LASP1: variants seen among roughly 807,000 people sequenced by gnomAD.
LASP1 encodes the protein LIM and SH3 protein 1.
A neutral mutation model predicts 38.6 loss-of-function variants in LASP1; 10 were observed. The observed-to-expected ratio is 0.26, with a 90% CI of 0.16 to 0.44. The LOEUF (loss-of-function observed/expected upper bound fraction) is 0.44. LASP1 is among the 20% of genes least tolerant of loss of function. LASP1 has a pLI of 1.00. For missense variants in LASP1, 243 were observed against 375.7 expected (o/e 0.65, Z 2.92); for synonymous variants, 132 against 140.8 (o/e 0.94, Z 0.44).
rs61739902 is a variant in LASP1 at position 38,914,401 on chromosome 17, A to T, written c.434A>T (p.Asp145Val). Residue 145 changes from aspartate (D) to valine (V), a missense_variant, in exon 5 of 7, where the codon GAT (aspartate) becomes GTT (valine). Physicochemically the swap from Asp to Val is radical, Grantham distance 152. Transcript: ENST00000318008. ...GGEGMEPERR[D>V]SQDGSSYRRP... ...GAGGGCATGGAGCCAGAGCGTCGGG[A>T]TTCACAGGACGGCAGCAGCTACCGG... is the stretch of plus-strand genomic sequence containing the variant. 1.8e-5 allele frequency: 29 copies of T among 1,611,918 alleles called. No individual in the cohort carries two copies. The African/African-American group carries it at 3.7e-4, about 21-fold the overall frequency.
chr17:38,911,460 T>G (rs1181420100), intron 4 of LASP1, among the ~76,000 whole-genome samples: 1 of 152,120 alleles, frequency 6.6e-6, no homozygotes, highest in Non-Finnish European at 1.5e-5. Flanking sequence ...CAGAGACTTG[T>G]GGGGAGGATT....
intron 4 of LASP1, among the ~76,000 whole-genome samples, chr17:38,912,518 C>G (rs1159222032): frequency 6.6e-6 from 1 of 152,140 alleles, no homozygotes; most frequent in Non-Finnish European, 1.5e-5. Flanking sequence ...GCCGCAAGCA[C>G]AAGGAGTCAC....
intron 4 of LASP1, among the ~76,000 whole-genome samples, chr17:38,910,007 C>G (rs956439451): frequency 6.6e-6 from 1 of 152,210 alleles, no homozygotes. Flanking sequence ...CTCGACCTCC[C>G]AAAGTGCTGG....
Position 38,915,046 on chromosome 17 carries a change from A to T in LASP1, c.512A>T (p.Tyr171Phe). Residue 171 changes from tyrosine to phenylalanine, a missense_variant, in exon 6 of 7, where the codon TAC becomes TTC. By Grantham distance (22) the Tyr-to-Phe change is conservative. Transcript: ENST00000318008. ...PHHIPTSAPV[Y>F]QQPQQQPVAQ... ...CCTGTCTCCTCCCATCTTCCAGTTT[A>T]CCAGCAGCCCCAGCAGCAGCCGGTG... 1 of 1,613,806 alleles carries T rather than the reference A, an allele frequency of 6.2e-7. No homozygotes were observed. Among genetic ancestry groups the T allele is most frequent in the Non-Finnish European group, 8.5e-7 (1 of 1,179,934 alleles).
At chr17:38,891,242 C>A (rs111426582) in intron 3 of LASP1, among the ~76,000 whole-genome samples, 1 of 152,116 alleles carries the variant, frequency 6.6e-6, no homozygotes, top group East Asian at 1.9e-4. Context: ...GGATTAGGCG[C>A]GAGAATACAT....
rs952037545 is a variant in LASP1 at position 38,921,365 on chromosome 17, C to T, written c.*2587C>T. 4 of 232,640 alleles carry T rather than the reference C, an allele frequency of 1.7e-5. No homozygotes were observed. Among genetic ancestry groups the T allele is most frequent in the Non-Finnish European group, 2.6e-5 (3 of 117,450 alleles). The allele number at this position is 232,640 out of a possible 1,614,324, so 14.4% of individuals were successfully genotyped here. ...AAGTGCGTTCTCCCAGCACTGCCTC[C>T]TGTTTTCTCCCTCTCATGTCCCTCC... On this transcript the variant is annotated 3_prime_UTR_variant, in exon 7 of 7. Transcript: ENST00000318008.
chr17:38,896,719 T>C (rs558011649), intron 3 of LASP1, among the ~76,000 whole-genome samples: 2 of 152,320 alleles, frequency 1.3e-5, no homozygotes, highest in South Asian at 4.1e-4. Context: ...ACTGGCGTTA[T>C]GGTCCCCATT....
Position 38,918,740 on chromosome 17 carries a change from A to G in LASP1, c.748A>G (p.Thr250Ala). 1.9e-6 allele frequency: 3 copies of G among 1,614,114 alleles called. No individual in the cohort carries two copies. Among genetic ancestry groups the G allele is most frequent in the Non-Finnish European group, 2.5e-6 (3 of 1,180,020 alleles). Residue 250 changes from threonine (T) to alanine (A), a missense_variant, in exon 7 of 7, where the codon ACG becomes GCG. Around this residue, in one of 4 missense-constraint regions of LASP1, gnomAD observed 165 missense variants for 210.3 expected, o/e 0.78. Coordinates refer to ENST00000318008, the MANE Select transcript of LASP1 (RefSeq NM_006148.4). This position sits in a 1 kb window ranked among gnomAD's most constrained non-coding sequence, Gnocchi z 4.4. ...MYGTVERTGD[T>A]GMLPANYVEA... Reference sequence around the variant, plus strand: ...CGGGACGGTGGAGCGCACCGGCGACACGGGGATGCTGCCGGCCAACTACGT... The same window carrying G: ...CGGGACGGTGGAGCGCACCGGCGACGCGGGGATGCTGCCGGCCAACTACGT...
chr17:38,880,765 G>A (rs1296642297), intron 2 of LASP1, among the ~76,000 whole-genome samples: 1 of 152,202 alleles, frequency 6.6e-6, no homozygotes, highest in African/African-American at 2.4e-5. Flanking sequence ...CTTGCAAGGA[G>A]TGCTCTCTGG....
rs114909359 is a variant in LASP1, at chr17:38,918,843, C to T, written c.*65C>T. ...CATCGCATCCGTCCTGGGCGTGACC[C>T]GTCCATTCTTCAGTGTCTCTGTTTT... On this transcript the variant is annotated 3_prime_UTR_variant, in exon 7 of 7. Transcript: ENST00000318008. This position sits in a 1 kb window ranked among gnomAD's most constrained non-coding sequence, Gnocchi z 4.4. 414 of 1,547,850 alleles carry T rather than the reference C, an allele frequency of 2.7e-4. 2 individuals carry two copies. The African/African-American group carries it at 4.9e-3, about 18-fold the overall frequency.
At position 38,918,973 on chromosome 17, in the gene LASP1, C is replaced by A; in HGVS notation, c.*195C>A. The A allele has an allele frequency of 1.6e-6, 1 of 641,316 alleles. No homozygotes were observed. Among genetic ancestry groups the A allele is most frequent in the Non-Finnish European group, 2.7e-6 (1 of 374,310 alleles). The allele number at this position is 641,316 out of a possible 1,614,324, so 39.7% of individuals were successfully genotyped here. ...CGGGCTCCCTCCTCTGGCAGGCTTC[C>A]CCCTTGATCGACTTCTTGGTTTTCT... On this transcript the variant is annotated 3_prime_UTR_variant, in exon 7 of 7. Coordinates refer to ENST00000318008, the MANE Select transcript of LASP1 (RefSeq NM_006148.4). This position sits in a 1 kb window ranked among gnomAD's most constrained non-coding sequence, Gnocchi z 4.4.
At chr17:38,890,271 G>A (rs1023197065) in intron 2 of LASP1, 149 bp from the exon 3 acceptor site, 5 of 652,122 alleles carry the variant, frequency 7.7e-6, no homozygotes, top group African/African-American at 1.8e-5. Context: ...CTCGGCCTTG[G>A]TGGTGGACAC....
chr17:38,918,614 C>T lies in LASP1; in HGVS notation c.622C>T (p.Arg208Cys). The change falls in exon 7 of 7, where the codon CGC (arginine) becomes TGC (cysteine). Residue 208 changes from arginine (R) to cysteine (C), a missense_variant. Physicochemically the swap from Arg to Cys is radical, Grantham distance 180 (BLOSUM62 -3). Transcript: ENST00000318008. This position sits in a 1 kb window ranked among gnomAD's most constrained non-coding sequence, Gnocchi z 4.4. ...SAPGGGGKRY[R>C]AVYDYSAADE... ...CACACTTCCCCCACAGAAGCGGTAC[C>T]GCGCGGTGTATGACTACAGCGCCGC... 2 of 1,597,058 alleles carry T rather than the reference C, an allele frequency of 1.3e-6. No individual in the cohort carries two copies. The highest frequency in any genetic ancestry group is 1.7e-6 in the Non-Finnish European group (2 of 1,167,674).
intron 2 of LASP1, among the ~76,000 whole-genome samples, chr17:38,887,646 C>G (rs115502264): frequency 6.6e-6 from 1 of 152,098 alleles, no homozygotes; most frequent in East Asian, 1.9e-4. Flanking sequence ...GGCTGGGGGA[C>G]GGGCACCGCT....
Position 38,920,876 on chromosome 17 carries a change from G to A in LASP1, c.*2098G>A, listed in dbSNP as rs1046734039. 1.7e-5 allele frequency: 4 copies of A among 232,436 alleles called. No individual in the cohort carries two copies. Among genetic ancestry groups the A allele is most frequent in the Non-Finnish European group, 2.6e-5 (3 of 117,382 alleles). 14.4% of individuals were successfully genotyped at this position (232,436 alleles called of 1,614,324 possible). On this transcript the variant is annotated 3_prime_UTR_variant, in exon 7 of 7. Transcript: ENST00000318008. The stretch of plus-strand genomic sequence containing the variant: ...GATCTCAAAGCACAATGTGGATTTG[G>A]GGACCAAAGGTCAGGGACACATCCC...
intron 2 of LASP1, among the ~76,000 whole-genome samples, chr17:38,880,940 TA>T (rs1354460475): frequency 2.6e-5 from 4 of 152,146 alleles, no homozygotes; most frequent in Non-Finnish European, 5.9e-5. Flanking sequence ...TCGTCTCTAC[TA>T]AAAATACAAA....
chr17:38,898,042 A>T (rs1054130693), intron 3 of LASP1, among the ~76,000 whole-genome samples: 19 of 152,218 alleles, frequency 1.2e-4, no homozygotes, highest in Admixed American at 9.2e-4. Context: ...AGTGCCGGAC[A>T]TTGACTGCTA....
rs1424981193 is a variant in LASP1, at chr17:38,913,574, G to T, written c.358-751G>T. Among the ~76,000 whole-genome samples, 4 of 152,210 alleles carry T rather than the reference G, an allele frequency of 2.6e-5. No individual in the cohort carries two copies. The East Asian group carries it at 5.8e-4, about 22-fold the overall frequency. On this transcript the variant is annotated intron_variant, in intron 4 of 6. Transcript: ENST00000318008. The stretch of plus-strand genomic sequence containing the variant: ...ATCTACCCCTCAGGGGCGCTGACGA[G>T]CTCACATGAGCCTGTGACATAAAAC...
intron 2 of LASP1, among the ~76,000 whole-genome samples, chr17:38,888,924 A>G (rs226234): frequency 0.013 from 1,972 of 152,274 alleles, 29 homozygotes; most frequent in Middle Eastern, 0.051. Context: ...GGCTAAGTTC[A>G]GCATGAACTG....
Sources: allele counts gnomAD v4.1 joint callset (sites outside exome capture counted in the v4.1 genomes callset), GRCh38; gene constraint gnomAD v4.1.1; regional missense constraint gnomAD v4.1.1; non-coding constraint Gnocchi (gnomAD v3.1); transcripts MANE v1.5; gene names NCBI Gene and HGNC (gene_info 2026-07-23, HGNC 2026-07-21).